Variants in NEK5 observed in about 807,000 individuals in gnomAD.
The protein encoded by NEK5 is serine/threonine-protein kinase Nek5.
NEK5 carries 88 observed loss-of-function variants against 109.2 expected under a neutral mutation model. The observed-to-expected ratio is 0.81, with a 90% CI of 0.68 to 0.96. The LOEUF is 0.96. Among genes scored for constraint, NEK5 ranks in the 40% least tolerant of loss-of-function variants. NEK5 has a pLI of 0.00. For missense variants in NEK5, 834 were observed against 920.7 expected, an observed-to-expected ratio of 0.91 and a Z score of 1.22; for synonymous variants, 283 against 299.9, an observed-to-expected ratio of 0.94 and a Z score of 0.58.
At chr13:52,128,830 C>A (rs1348069253) in intron 1 of NEK5, 199 bp downstream of exon 1, 1 of 152,370 alleles carries the variant, frequency 6.6e-6, no homozygotes. Context: ...TACCCGTACC[C>A]GACCTCCGCG....
At chr13:52,037,690 G>A (rs1254025370) in intron 23 of NEK5, among the ~76,000 whole-genome samples, 1 of 152,146 alleles carries the variant, frequency 6.6e-6, no homozygotes, top group Non-Finnish European at 1.5e-5. Flanking sequence ...TTGGGAGGCC[G>A]AGGCGGGCGG....
chr13:52,097,162 G>A (rs114964553), intron 12 of NEK5, among the ~76,000 whole-genome samples: 63 of 152,312 alleles, frequency 4.1e-4, no homozygotes, highest in African/African-American at 1.4e-3. Flanking sequence ...AAGCCTAGTC[G>A]TCCAGGCAGA....
intron 22 of NEK5, among the ~76,000 whole-genome samples, chr13:52,051,974 T>G (rs1243684599): frequency 6.6e-6 from 1 of 152,156 alleles, no homozygotes; most frequent in Non-Finnish European, 1.5e-5. Context: ...CTATTGTTTA[T>G]GTAAAAATGC....
chr13:52,069,232 T>C (rs989077181), intron 20 of NEK5, among the ~76,000 whole-genome samples: 10 of 152,138 alleles, frequency 6.6e-5, no homozygotes, highest in African/African-American at 9.7e-5. Context: ...CCTGAGGCCA[T>C]TAACGGCTCC....
intron 8 of NEK5, 49 bp downstream of exon 8, chr13:52,108,269 C>A: frequency 9.9e-7 from 1 of 1,010,768 alleles, no homozygotes; most frequent in South Asian, 1.4e-5. Flanking sequence ...CATTCAGTGT[C>A]ATCCATCAGA....
At chr13:52,067,841 A>G (rs184960495) in intron 20 of NEK5, among the ~76,000 whole-genome samples, 84 of 151,946 alleles carry the variant, frequency 5.5e-4, no homozygotes, top group Non-Finnish European at 8.7e-4. Flanking sequence ...ACAGGTGTGC[A>G]CCACCACACC....
intron 22 of NEK5, among the ~76,000 whole-genome samples, chr13:52,054,615 C>A (rs1954536643): frequency 6.6e-6 from 1 of 152,262 alleles, no homozygotes; most frequent in Admixed American, 6.5e-5. Context: ...AACAGGCAGA[C>A]TGCCTCCTCA....
intron 4 of NEK5, among the ~76,000 whole-genome samples, chr13:52,112,992 C>A (rs1286619351): frequency 6.6e-6 from 1 of 152,088 alleles, no homozygotes; most frequent in East Asian, 1.9e-4. Context: ...TGTTTTTTCC[C>A]AAATATGTTT....
At chr13:52,089,398 T>C in intron 13 of NEK5, 85 bp from the exon 14 acceptor site, 2 of 827,094 alleles carry the variant, frequency 2.4e-6, no homozygotes, top group South Asian at 1.6e-5. Context: ...AGTTTAGTAA[T>C]GAGATTCACA....
intron 4 of NEK5, among the ~76,000 whole-genome samples, chr13:52,116,409 TCA>T (rs1955858482): frequency 6.6e-6 from 1 of 152,102 alleles, no homozygotes; most frequent in African/African-American, 2.4e-5. Flanking sequence ...GGCACAGTAC[TCA>T]CAGCACTTTT....
At chr13:52,093,031 C>T (rs1685835588) in intron 13 of NEK5, 23 bp downstream of exon 13, 18 of 1,536,190 alleles carry the variant, frequency 1.2e-5, no homozygotes, top group Non-Finnish European at 1.5e-5. Flanking sequence ...TTAACCAAAG[C>T]TTAAGCTAGA....
chr13:52,080,636 G>C (rs1954987764), intron 17 of NEK5, among the ~76,000 whole-genome samples: 1 of 152,124 alleles, frequency 6.6e-6, no homozygotes, highest in South Asian at 2.1e-4. Flanking sequence ...TCCACTCAGG[G>C]TTAAATGGAT....
In NEK5 at chr13:52,105,238, AGTGTGTGTGT is replaced by A. The variant is rs5803594; in HGVS notation, c.555-696_555-687del. 1.7e-3 allele frequency among the ~76,000 whole-genome samples: 250 copies of A among 148,242 alleles called. 2 individuals are homozygous for A. In the East Asian group the frequency reaches 0.026, roughly 15 times the overall value. On this transcript the variant is annotated intron_variant, in intron 8 of 23. Transcript: ENST00000684899. ...CTCTAGCAGCAATGCTTTGTGCATG[AGTGTGTGTGT>A]GTGTGTGTGTGTGTGTGTGTGTGTG...
chr13:52,112,437 C>A, intron 4 of NEK5, 72 bp from the exon 5 acceptor site: 1 of 989,534 alleles, frequency 1.0e-6, no homozygotes, highest in Non-Finnish European at 1.6e-6. Context: ...GCTGTGGAAT[C>A]AAGATGGACT....
chr13:52,069,465 C>T (rs192178619), intron 20 of NEK5, among the ~76,000 whole-genome samples: 97 of 152,298 alleles, frequency 6.4e-4, no homozygotes, highest in Non-Finnish European at 1.1e-3. Context: ...TTAAAAACCA[C>T]GGATATGCTA....
intron 17 of NEK5, among the ~76,000 whole-genome samples, chr13:52,078,199 A>C (rs1481462655): frequency 6.6e-6 from 1 of 152,268 alleles, no homozygotes; most frequent in Non-Finnish European, 1.5e-5. Flanking sequence ...ACATTCATAC[A>C]ATAGAATATA....
chr13:52,057,949 C>A (rs1954576446), intron 22 of NEK5, among the ~76,000 whole-genome samples: 2 of 151,724 alleles, frequency 1.3e-5, no homozygotes, highest in African/African-American at 4.8e-5. Flanking sequence ...AAGTTCTGGC[C>A]AGGGCAATGA....
chr13:52,068,466 TACAC>T (rs5803591), intron 20 of NEK5, among the ~76,000 whole-genome samples: 1,688 of 147,726 alleles, frequency 0.011, 10 homozygotes, highest in African/African-American at 0.015. Context: ...AATACACAAA[TACAC>T]ACACACACAC....
At chr13:52,045,638 G>A (rs1593915455) in intron 23 of NEK5, among the ~76,000 whole-genome samples, 1 of 149,744 alleles carries the variant, frequency 6.7e-6, no homozygotes, top group East Asian at 2.0e-4. Context: ...GGTGGCCGGC[G>A]CCTGTAGTCC....
Sources: allele counts gnomAD v4.1 joint callset (sites outside exome capture counted in the v4.1 genomes callset), GRCh38; gene constraint gnomAD v4.1.1; transcripts MANE v1.5; gene names NCBI Gene and HGNC (gene_info 2026-07-23, HGNC 2026-07-21).